The following RETREG3 variants were observed in gnomAD, a reference collection of about 807,000 sequenced individuals.
The protein encoded by RETREG3 is reticulophagy regulator 3.
RETREG3 carries 23 observed loss-of-function variants against 50.2 expected under a neutral mutation model. The observed-to-expected ratio is 0.46, with a 90% CI of 0.33 to 0.65. The LOEUF (loss-of-function observed/expected upper bound fraction) is 0.65, where lower values mean the gene tolerates loss of function less well. Ranked by LOEUF, RETREG3 falls within the 30% of genes least tolerant of loss-of-function variation. The pLI, the probability that RETREG3 is intolerant of heterozygous loss-of-function variation, is 0.02. For synonymous variants in RETREG3, 240 were observed against 234.4 expected (o/e 1.02, Z -0.22); for missense variants, 546 against 598.0 (o/e 0.91, Z 0.91).
chr17:42,584,608 AG>A (rs1362872623), intron 6 of RETREG3, among the ~76,000 whole-genome samples: 4 of 152,132 alleles, frequency 2.6e-5, no homozygotes, highest in Non-Finnish European at 2.9e-5. Flanking sequence ...CCAGGAGTTC[AG>A]GATCAGCCTG....
At chr17:42,600,731 C>A (rs1444054813) in intron 1 of RETREG3, among the ~76,000 whole-genome samples, 3 of 152,182 alleles carry the variant, frequency 2.0e-5, no homozygotes, top group Non-Finnish European at 4.4e-5. Context: ...CCATTATCCA[C>A]ATATGTACTC....
chr17:42,608,945 A>C (rs1035740748), intron 1 of RETREG3, 141 bp downstream of exon 1: 15 of 773,778 alleles, frequency 1.9e-5, no homozygotes, highest in Non-Finnish European at 3.0e-5. Context: ...GGCGGGATGG[A>C]GTGGAAGGAG....
At chr17:42,595,488 C>A (rs2093142307) in intron 1 of RETREG3, among the ~76,000 whole-genome samples, 1 of 148,112 alleles carries the variant, frequency 6.8e-6, no homozygotes, top group African/African-American at 2.5e-5. Context: ...CCTCTGCCTC[C>A]CAGGTTCAAG....
At chr17:42,602,072 T>C (rs2093159753) in intron 1 of RETREG3, among the ~76,000 whole-genome samples, 1 of 152,082 alleles carries the variant, frequency 6.6e-6, no homozygotes, top group Admixed American at 6.6e-5. Flanking sequence ...ATCCCAGCCT[T>C]TGGGAGGCCG....
chr17:42,591,610 G>A (rs1242241465), intron 2 of RETREG3, among the ~76,000 whole-genome samples: 1 of 152,094 alleles, frequency 6.6e-6, no homozygotes, highest in Non-Finnish European at 1.5e-5. Flanking sequence ...AAAGTGCAGG[G>A]GTTACTAATA....
chr17:42,582,603 C>T, intron 8 of RETREG3, 71 bp downstream of exon 8: 1 of 1,589,584 alleles, frequency 6.3e-7, no homozygotes, highest in Non-Finnish European at 8.6e-7. Flanking sequence ...GCACCAGTAT[C>T]CCCTCTGTTC....
Position 42,609,123 on chromosome 17 carries a change from T to A in RETREG3, c.202A>T (p.Ser68Cys). The A allele has an allele frequency of 6.2e-7, 1 of 1,608,698 alleles. No individual in the cohort carries two copies. The highest frequency in any genetic ancestry group is 1.3e-5 in the African/African-American group (1 of 74,970). The change falls in exon 1 of 9, where the codon AGC (serine) becomes TGC (cysteine). Residue 68 changes from serine (S) to cysteine (C), a missense_variant. Transcript: ENST00000309428. ...TTCAGCCCCAGGCACCACAGAGCGC[T>A]CCTAGCTGGCCGCTCCCACACCAGG... ...AALVWERPAR[S>C]ALWCLGLNAA...
intron 1 of RETREG3, among the ~76,000 whole-genome samples, chr17:42,607,048 T>C (rs1211577307): frequency 6.6e-6 from 1 of 152,132 alleles, no homozygotes; most frequent in East Asian, 1.9e-4. Context: ...CAGGCAGTCA[T>C]ACTTTGATAC....
chr17:42,606,493 C>T (rs770095101), intron 1 of RETREG3, among the ~76,000 whole-genome samples: 11 of 151,794 alleles, frequency 7.2e-5, no homozygotes, highest in African/African-American at 1.9e-4. Flanking sequence ...CCTAGCTACT[C>T]GGGAGACTGA....
chr17:42,594,645 C>T lies in RETREG3; in HGVS notation c.240-2483G>A, dbSNP rs77601824. Among the ~76,000 whole-genome samples the T allele has an allele frequency of 1.2e-3, 182 of 151,906 alleles. 4 individuals are homozygous for T. The East Asian group carries it at 0.034, about 28-fold the overall frequency. On this transcript the variant is annotated intron_variant, in intron 1 of 8. Coordinates refer to ENST00000309428, the MANE Select transcript of RETREG3 (RefSeq NM_178126.4). The stretch of plus-strand genomic sequence containing the variant: ...GATCACGAGGTCAGGAGATCGAGAC[C>T]ATCCTGGCTAACTCGTTGAAACCCT...
intron 1 of RETREG3, among the ~76,000 whole-genome samples, chr17:42,594,963 C>CCTT (rs1555629522): frequency 2.1e-4 from 26 of 125,282 alleles, no homozygotes; most frequent in African/African-American, 7.8e-4. Flanking sequence ...TTTTTTTTTA[C>CCTT]TTTTTTTTTT....
At position 42,592,061 on chromosome 17, in the gene RETREG3, A is replaced by G; in HGVS notation, c.341T>C (p.Ile114Thr). The G allele has an allele frequency of 6.2e-7, 1 of 1,612,044 alleles. No individual in the cohort carries two copies. The highest frequency in any genetic ancestry group is 8.5e-7 in the Non-Finnish European group (1 of 1,179,140). ...DQWKNKIWPEIKVPRPDALDN... is the reference protein window; with the variant it reads ...DQWKNKIWPETKVPRPDALDN... ...CTAAATGCTACCAAACTCACCTTTT[A>G]TTTCAGGCCAGATTTTGTTCTTCCA... Residue 114 changes from isoleucine (I) to threonine (T), a missense_variant, in exon 2 of 9, where the codon ATA becomes ACA. By Grantham distance (89) the Ile-to-Thr change is moderately conservative. Coordinates refer to ENST00000309428, the MANE Select transcript of RETREG3 (RefSeq NM_178126.4).
intron 1 of RETREG3, 132 bp from the exon 2 acceptor site, chr17:42,592,294 A>T: frequency 1.5e-6 from 1 of 646,870 alleles, no homozygotes; most frequent in South Asian, 2.0e-5. Context: ...ACACTTAACT[A>T]GTTATACACC....
In RETREG3 at chr17:42,609,290, C is replaced by T; in HGVS notation, c.35G>A (p.Gly12Asp). The change falls in exon 1 of 9, where the codon GGC becomes GAC. Residue 12 changes from glycine to aspartate, a missense_variant. Physicochemically the swap from Gly to Asp is moderately conservative, Grantham distance 94 (BLOSUM62 -1). Coordinates refer to ENST00000309428, the MANE Select transcript of RETREG3 (RefSeq NM_178126.4). ...CCTGAAAGTCGACCCCGAAGCCGGG[C>T]CTGGGGTCGTGGGAACCCCTTCGGC... Reference protein sequence around the residue: ...AEAEGVPTTPGPASGSTFRGR... With the variant: ...AEAEGVPTTPDPASGSTFRGR... 2 of 1,603,120 alleles carry T rather than the reference C, an allele frequency of 1.2e-6. No individual in the cohort carries two copies. Among genetic ancestry groups the T allele is most frequent in the Non-Finnish European group, 1.7e-6 (2 of 1,179,696 alleles).
In RETREG3 at chr17:42,585,925, G is replaced by A; in HGVS notation, c.589+128C>T. Reference sequence around the variant, plus strand: ...ATTTTCATGACACTAAACAGGTCATGAAAATATGCAAAGGTCATATCCTAG... The same window carrying A: ...ATTTTCATGACACTAAACAGGTCATAAAAATATGCAAAGGTCATATCCTAG... On this transcript the variant is annotated intron_variant, in intron 5 of 8. Coordinates refer to ENST00000309428, the MANE Select transcript of RETREG3 (RefSeq NM_178126.4). 8 of 844,450 alleles carry A rather than the reference G, an allele frequency of 9.5e-6. No individual in the cohort carries two copies. In the South Asian group the frequency reaches 1.3e-4, roughly 13 times the overall value. 52.3% of individuals were successfully genotyped at this position (844,450 alleles called of 1,614,324 possible). A position where few individuals can be genotyped will look rare whatever the true frequency, so the allele number is the denominator to read the frequency against.
intron 6 of RETREG3, among the ~76,000 whole-genome samples, chr17:42,584,406 G>A (rs998281295): frequency 6.6e-6 from 1 of 152,174 alleles, no homozygotes; most frequent in Non-Finnish European, 1.5e-5. Context: ...TACCATCATT[G>A]TGTTGCATGG....
chr17:42,582,124 C>T lies in RETREG3; in HGVS notation c.1090G>A (p.Ala364Thr). Reference sequence around the variant, plus strand: ...GCAGGTGGGGCCTGGGGCTCCTCAGCCCCTGGCGGAGAACGGTACATCAAG... The same window carrying T: ...GCAGGTGGGGCCTGGGGCTCCTCAGTCCCTGGCGGAGAACGGTACATCAAG... Reference protein sequence around the residue: ...PSLMYRSPPGAEEPQAPPASR... With the variant: ...PSLMYRSPPGTEEPQAPPASR... Residue 364 changes from alanine (A) to threonine (T), a missense_variant, in exon 9 of 9, where the codon GCT (alanine) becomes ACT (threonine). Ala to Thr is a moderately conservative substitution (Grantham distance 58). Coordinates refer to ENST00000309428, the MANE Select transcript of RETREG3 (RefSeq NM_178126.4). 1 of 1,614,130 alleles carries T rather than the reference C, an allele frequency of 6.2e-7. No homozygotes were observed. Among genetic ancestry groups the T allele is most frequent in the Non-Finnish European group, 8.5e-7 (1 of 1,180,018 alleles).
At position 42,585,210 on chromosome 17, in the gene RETREG3, T is replaced by C. The variant is rs145023424; in HGVS notation, c.642A>G (p.Arg214=). ...GAGCTGGCTTCAGCCGCACATATGC[T>C]CGATCCCACAGTCGGTGGTACACAG... The part of the protein sequence containing the change: ...PLAVYHRLWD[R]AYVRLKPALQ... Residue 214 remains arginine (R), a synonymous_variant, in exon 6 of 9, where the codon CGA becomes CGG. Transcript: ENST00000309428. 1.9e-5 allele frequency: 31 copies of C among 1,613,908 alleles called. No homozygotes were observed. The African/African-American group carries it at 3.2e-4, about 17-fold the overall frequency.
chr17:42,608,192 G>C lies in RETREG3; in HGVS notation c.239+894C>G, dbSNP rs139192734. 3.8e-3 allele frequency among the ~76,000 whole-genome samples: 573 copies of C among 152,290 alleles called. 5 individuals are homozygous for C. The highest frequency in any genetic ancestry group is 0.013 in the African/African-American group (556 of 41,554). On this transcript the variant is annotated intron_variant, in intron 1 of 8. Transcript: ENST00000309428. ...TTCAGCAGCAGAAAGCCCCCTATAA[G>C]TCAGTTCCCTTGGAACCTCCTCCAT...
Sources: gnomAD v4.1 joint callset for allele counts (sites outside exome capture counted in the v4.1 genomes callset) on GRCh38, gnomAD v4.1.1 for gene constraint, MANE v1.5 for transcripts, NCBI Gene and HGNC (gene_info 2026-07-23, HGNC 2026-07-21) for gene names.